NELL2: variants seen among roughly 807,000 people sequenced by gnomAD.
NELL2 encodes neural EGFL like 2, also known as protein kinase C-binding protein NELL2.
A neutral mutation model predicts 109.6 loss-of-function variants in NELL2; 41 were observed. The ratio of observed to expected loss-of-function variants is 0.37; its 90% CI spans 0.29 to 0.49. NELL2 has a LOEUF of 0.49. NELL2 is among the 20% of genes least tolerant of loss of function. The pLI, the probability that NELL2 is intolerant of heterozygous loss-of-function variation, is 0.98. For synonymous variants in NELL2, 355 were observed against 344.7 expected, an observed-to-expected ratio of 1.03 and a Z score of -0.33; for missense variants, 900 against 1,008.3, an observed-to-expected ratio of 0.89 and a Z score of 1.45.
chr12:44,914,305 C>T (rs1038840292), upstream of NELL2, among the ~76,000 whole-genome samples: 17 of 152,126 alleles, frequency 1.1e-4, no homozygotes, highest in Admixed American at 9.8e-4. Context: ...ATTTCAGTCT[C>T]CCCCGTATCC....
At chr12:44,821,199 T>C (rs991990690) in intron 2 of NELL2, among the ~76,000 whole-genome samples, 1 of 152,218 alleles carries the variant, frequency 6.6e-6, no homozygotes, top group African/African-American at 2.4e-5. Flanking sequence ...GGAGACTTGA[T>C]AGCAGCAACA....
chr12:44,765,440 C>T (rs750047252), intron 9 of NELL2, among the ~76,000 whole-genome samples: 6 of 152,108 alleles, frequency 3.9e-5, no homozygotes, highest in Non-Finnish European at 5.9e-5. Context: ...TGATATGGCC[C>T]TATGGCTTAA....
intron 15 of NELL2, among the ~76,000 whole-genome samples, chr12:44,577,465 G>GTTTTTTTT (rs746239984): frequency 4.8e-5 from 4 of 83,460 alleles, no homozygotes; most frequent in African/African-American, 2.1e-4. Flanking sequence ...CAGATGAGTA[G>GTTTTTTTT]TTTTTTTTTT....
At chr12:44,711,489 C>T (rs1938200675) in intron 10 of NELL2, 95 bp from the exon 11 acceptor site, 5 of 1,090,954 alleles carry the variant, frequency 4.6e-6, no homozygotes, top group East Asian at 2.5e-5. Flanking sequence ...CTTTTAAGAT[C>T]AAGAAATTTT....
intron 16 of NELL2, among the ~76,000 whole-genome samples, chr12:44,526,513 C>T (rs1384637604): frequency 2.0e-5 from 3 of 152,126 alleles, no homozygotes; most frequent in Non-Finnish European, 4.4e-5. Flanking sequence ...ATGCTCTAAG[C>T]CTGTGTTCTT....
At position 44,565,593 on chromosome 12, in the gene NELL2, T is replaced by C. The variant is rs561428762; in HGVS notation, c.1664-32872A>G. Among the ~76,000 whole-genome samples the C allele has an allele frequency of 8.5e-5, 13 of 152,294 alleles. No individual in the cohort carries two copies. The South Asian group carries it at 2.7e-3, about 32-fold the overall frequency. On this transcript the variant is annotated intron_variant, in intron 15 of 19. Transcript: ENST00000429094. ...AGCAAGTGCAAAGTCCCAGGAGACA[T>C]GAAACTCACATGCTTAGTCTAGAGA...
intron 15 of NELL2, among the ~76,000 whole-genome samples, chr12:44,561,956 T>C (rs530905420): frequency 6.6e-6 from 1 of 152,262 alleles, no homozygotes; most frequent in South Asian, 2.1e-4. Context: ...AGCATGAGAC[T>C]TGTACCAAAA....
intron 3 of NELL2, among the ~76,000 whole-genome samples, chr12:44,794,618 T>G (rs1942554286): frequency 6.6e-6 from 1 of 152,154 alleles, no homozygotes; most frequent in Non-Finnish European, 1.5e-5. Flanking sequence ...CTCCCATTAG[T>G]TCTGTAAACT....
chr12:44,858,825 C>A (rs1321750846), intron 2 of NELL2, among the ~76,000 whole-genome samples: 1 of 152,210 alleles, frequency 6.6e-6, no homozygotes, highest in Non-Finnish European at 1.5e-5. Flanking sequence ...TTATGATTAT[C>A]TGATGCAGGT....
intron 13 of NELL2, among the ~76,000 whole-genome samples, chr12:44,633,165 T>C (rs1255832810): frequency 6.6e-6 from 1 of 152,032 alleles, no homozygotes; most frequent in East Asian, 1.9e-4. Context: ...AGTTTGATTA[T>C]GAGGTAAAGG....
In NELL2 at chr12:44,604,793, C is replaced by T. The variant is rs569461727; in HGVS notation, c.1663+2376G>A. Among the ~76,000 whole-genome samples, 12 of 152,194 alleles carry T rather than the reference C, an allele frequency of 7.9e-5. No individual in the cohort carries two copies. In the East Asian group the frequency reaches 1.4e-3, roughly 17 times the overall value. On this transcript the variant is annotated intron_variant, in intron 15 of 19. Coordinates refer to ENST00000429094, the MANE Select transcript of NELL2 (RefSeq NM_001145108.2). Reference sequence around the variant, plus strand: ...GGGAACATGAAAGTTTTTCTTCAGTCTGGAGTGATATGATCAGATTTGTGC... The same window carrying T: ...GGGAACATGAAAGTTTTTCTTCAGTTTGGAGTGATATGATCAGATTTGTGC...
chr12:44,816,266 T>A (rs1943346761), intron 2 of NELL2, 130 bp from the exon 3 acceptor site: 1 of 693,616 alleles, frequency 1.4e-6, no homozygotes, highest in Non-Finnish European at 2.3e-6. Flanking sequence ...AGTTTCAGAC[T>A]CTTGGTAAAT....
At chr12:44,774,976 G>T in intron 8 of NELL2, 127 bp from the exon 9 acceptor site, 1 of 656,120 alleles carries the variant, frequency 1.5e-6, no homozygotes, top group Non-Finnish European at 2.6e-6. Flanking sequence ...TTCATTGCCA[G>T]GAGGGGAGGC....
At chr12:44,603,946 C>T (rs1048633945) in intron 15 of NELL2, among the ~76,000 whole-genome samples, 44 of 152,156 alleles carry the variant, frequency 2.9e-4, no homozygotes, top group Admixed American at 2.8e-3. Context: ...CAATAATTTC[C>T]TTTCTAAGCT....
At chr12:44,551,483 C>G (rs1351331251) in intron 15 of NELL2, among the ~76,000 whole-genome samples, 1 of 151,654 alleles carries the variant, frequency 6.6e-6, no homozygotes, top group African/African-American at 2.4e-5. Context: ...AGAGACAGAT[C>G]TGTATAGCAG....
chr12:44,784,492 AC>A (rs1377031834), intron 3 of NELL2, among the ~76,000 whole-genome samples: 1 of 152,210 alleles, frequency 6.6e-6, no homozygotes, highest in South Asian at 2.1e-4. Context: ...ACTGTTCCAA[AC>A]AAAAGGAAAA....
chr12:44,788,674 G>A (rs115129211), intron 3 of NELL2, among the ~76,000 whole-genome samples: 97 of 152,254 alleles, frequency 6.4e-4, no homozygotes, highest in African/African-American at 2.1e-3. Flanking sequence ...AGAACTTGGG[G>A]GAAGGCACAA....
At chr12:44,900,972 A>C (rs1945653283) in intron 1 of NELL2, among the ~76,000 whole-genome samples, 1 of 150,392 alleles carries the variant, frequency 6.6e-6, no homozygotes, top group Non-Finnish European at 1.5e-5. Context: ...CTGGTGACAG[A>C]GTAAGAAACT....
chr12:44,570,285 G>T lies in NELL2; in HGVS notation c.1663+36884C>A, dbSNP rs181339326. ...TTGCTATGTCATGTGTGGCGATGCT[G>T]GTGCTCCACAATTAGGCAGAAACAT... On this transcript the variant is annotated intron_variant, in intron 15 of 19. Coordinates refer to ENST00000429094, the MANE Select transcript of NELL2 (RefSeq NM_001145108.2). 1.4e-4 allele frequency among the ~76,000 whole-genome samples: 21 copies of T among 152,254 alleles called. No homozygotes were observed. The East Asian group carries it at 4.1e-3, about 29-fold the overall frequency.
Sources: gnomAD v4.1 joint callset for allele counts (sites outside exome capture counted in the v4.1 genomes callset) on GRCh38, gnomAD v4.1.1 for gene constraint, MANE v1.5 for transcripts, NCBI Gene and HGNC (gene_info 2026-07-23, HGNC 2026-07-21) for gene names.